The following BCL9L variants were observed in gnomAD, a reference collection of about 807,000 sequenced individuals.
BCL9L encodes BCL9 like, also known as B-cell CLL/lymphoma 9-like protein.
Under a neutral mutation model 99.4 loss-of-function variants are expected in BCL9L, and 19 were observed. The observed-to-expected ratio is 0.19, with a 90% CI of 0.13 to 0.28. BCL9L has a LOEUF of 0.28. Ranked by LOEUF, BCL9L falls within the 10% of genes least tolerant of loss-of-function variation. The pLI is 1.00. For missense variants in BCL9L, 2,023 were observed against 2,101.6 expected, an observed-to-expected ratio of 0.96 and a Z score of 0.73; for synonymous variants, 900 against 854.8, an observed-to-expected ratio of 1.05 and a Z score of -0.92.
chr11:118,919,104 GCCC>G (rs1207547961), intron 1 of BCL9L, among the ~76,000 whole-genome samples: 3 of 10,312 alleles, frequency 2.9e-4, no homozygotes, highest in Middle Eastern at 0.083. Flanking sequence ...CTGCACCGCT[GCCC>G]CCCCCCCCCC....
chr11:118,901,943 C>T lies in BCL9L; in HGVS notation c.1800G>A (p.Gly600=). The T allele has an allele frequency of 6.2e-7, 1 of 1,613,140 alleles. No individual in the cohort carries two copies. Among genetic ancestry groups the T allele is most frequent in the East Asian group, 2.2e-5 (1 of 44,856 alleles). ...MQLRGGPPFP[G]PRFPGNQIQR... ...GTATCTGGTTGCCTGGGAAACGGGGCCCAGGAAAGGGAGGTCCGCCCCGGA... is the reference window on the plus strand; with the variant it reads ...GTATCTGGTTGCCTGGGAAACGGGGTCCAGGAAAGGGAGGTCCGCCCCGGA... Residue 600 remains glycine (G), a synonymous_variant, in exon 8 of 10, where the codon GGG becomes GGA. Transcript: ENST00000683865. The surrounding 1 kb of genome is among the most constrained non-coding windows in gnomAD (Gnocchi z 6.6).
chr11:118,911,378 G>C (rs1365263492), intron 2 of BCL9L: 8 of 431,628 alleles, frequency 1.9e-5, no homozygotes, highest in Non-Finnish European at 2.8e-5. Flanking sequence ...CCACCCTGCG[G>C]GAGTCTAACC....
At position 118,902,862 on chromosome 11, in the gene BCL9L, G is replaced by C. The variant is rs528621552; in HGVS notation, c.881C>G (p.Pro294Arg). Residue 294 changes from proline (P) to arginine (R), a missense_variant, in exon 8 of 10, where the codon CCG (proline) becomes CGG (arginine). Transcript: ENST00000683865. The surrounding 1 kb of genome is among the most constrained non-coding windows in gnomAD (Gnocchi z 7.8). The part of the protein sequence containing the change: ...PTPEPLPLST[P>R]SAGTPQSQPP... ...CTGGGACTGCGGGGTGCCTGCTGACGGCGTGCTCAGGGGTAGCGGTTCTGG... is the reference window on the plus strand; with the variant it reads ...CTGGGACTGCGGGGTGCCTGCTGACCGCGTGCTCAGGGGTAGCGGTTCTGG... The C allele has an allele frequency of 1.1e-5, 17 of 1,552,516 alleles. No individual in the cohort carries two copies. In the African/African-American group the frequency reaches 1.2e-4, roughly 11 times the overall value.
In BCL9L at chr11:118,900,953, C is replaced by A. The variant is rs762942207; in HGVS notation, c.2790G>T (p.Gly930=). 40 of 1,553,994 alleles carry A rather than the reference C, an allele frequency of 2.6e-5. No homozygotes were observed. Among genetic ancestry groups the A allele is most frequent in the Non-Finnish European group, 3.5e-5 (40 of 1,148,060 alleles). The change falls in exon 8 of 10, where the codon GGG becomes GGT. Residue 930 remains glycine (G), a synonymous_variant. Coordinates refer to ENST00000683865, the MANE Select transcript of BCL9L (RefSeq NM_001378213.1). This position sits in a 1 kb window ranked among gnomAD's most constrained non-coding sequence, Gnocchi z 5.3. The stretch of plus-strand genomic sequence containing the variant: ...GGCTAAGGGTGGGCGACTTCAAGTG[C>A]CCCATGCCCGGTGAGCCCATCTGAT... ...SINQMGSPGM[G]HLKSPTLSQV... is the part of the protein sequence containing the mutation.
In BCL9L at chr11:118,902,875, G is replaced by T; in HGVS notation, c.868C>A (p.Pro290Thr). Reference protein sequence around the residue: ...PKVPPTPEPLPLSTPSAGTPQ... With the variant: ...PKVPPTPEPLTLSTPSAGTPQ... The stretch of plus-strand genomic sequence containing the variant: ...GTGCCTGCTGACGGCGTGCTCAGGG[G>T]TAGCGGTTCTGGGGTGGGGGGCACT... The change falls in exon 8 of 10, where the codon CCC becomes ACC. Residue 290 changes from proline (P) to threonine (T), a missense_variant. By Grantham distance (38) the Pro-to-Thr change is conservative (BLOSUM62 -1). This residue lies in a region of BCL9L where 1,116 missense variants were observed against 1,194.6 expected (regional missense o/e 0.93). Transcript: ENST00000683865. The surrounding 1 kb of genome is among the most constrained non-coding windows in gnomAD (Gnocchi z 7.8). The T allele has an allele frequency of 6.4e-7, 1 of 1,560,746 alleles. No individual in the cohort carries two copies. Among genetic ancestry groups the T allele is most frequent in the African/African-American group, 1.3e-5 (1 of 74,340 alleles).
In BCL9L at chr11:118,900,561, G is replaced by T; in HGVS notation, c.3124+58C>A. 1.3e-6 allele frequency: 2 copies of T among 1,543,504 alleles called. No individual in the cohort carries two copies. Among genetic ancestry groups the T allele is most frequent in the South Asian group, 1.2e-5 (1 of 80,952 alleles). On this transcript the variant is annotated intron_variant, in intron 8 of 9. Coordinates refer to ENST00000683865, the MANE Select transcript of BCL9L (RefSeq NM_001378213.1). The surrounding 1 kb of genome is among the most constrained non-coding windows in gnomAD (Gnocchi z 5.3). ...TCACTCACTGCCCAGCCCCAGCATG[G>T]ACACACTGCTCAGCGCCTGCCTGCC...
At chr11:118,909,378 G>A (rs532704066) in intron 3 of BCL9L, among the ~76,000 whole-genome samples, 4 of 152,286 alleles carry the variant, frequency 2.6e-5, no homozygotes, top group Admixed American at 1.3e-4. Flanking sequence ...CCCCCTCCCC[G>A]GAGACCTATT....
rs534286941 is a variant in BCL9L at position 118,897,708 on chromosome 11, G to A, written c.*707C>T. 8 of 446,980 alleles carry A rather than the reference G, an allele frequency of 1.8e-5. No homozygotes were observed. Among genetic ancestry groups the A allele is most frequent in the South Asian group, 1.1e-4 (7 of 63,174 alleles). 27.7% of individuals were successfully genotyped at this position (446,980 alleles called of 1,614,324 possible). A position where few individuals can be genotyped will look rare whatever the true frequency, so the allele number is the denominator to read the frequency against. On this transcript the variant is annotated 3_prime_UTR_variant, in exon 10 of 10. Coordinates refer to ENST00000683865, the MANE Select transcript of BCL9L (RefSeq NM_001378213.1). ...GGGCTGCATGTCCCTGGGTCCAGGG[G>A]AATGGAGGGAGCAATAACTTGAAGA...
chr11:118,908,287 A>G lies in BCL9L; in HGVS notation c.395T>C (p.Leu132Pro), dbSNP rs764692386. ...GEQREAGTPSLDSEAKEVAPR... is the reference protein window; with the variant it reads ...GEQREAGTPSPDSEAKEVAPR... ...TGGGGTACCTTTGGCCTCTGAATCCAGGGATGGGGTCCCAGCCTCTCGCTG... is the reference window on the plus strand; with the variant it reads ...TGGGGTACCTTTGGCCTCTGAATCCGGGGATGGGGTCCCAGCCTCTCGCTG... Residue 132 changes from leucine (L) to proline (P), a missense_variant, in exon 4 of 10, where the codon CTG becomes CCG. By Grantham distance (98) the Leu-to-Pro change is moderately conservative (BLOSUM62 -3). Coordinates refer to ENST00000683865, the MANE Select transcript of BCL9L (RefSeq NM_001378213.1). 1 of 1,554,768 alleles carries G rather than the reference A, an allele frequency of 6.4e-7. No homozygotes were observed. Among genetic ancestry groups the G allele is most frequent in the East Asian group, 2.3e-5 (1 of 44,282 alleles).
chr11:118,898,482 C>A lies in BCL9L; in HGVS notation c.4433G>T (p.Ser1478Ile), dbSNP rs768910057. 1.2e-6 allele frequency: 2 copies of A among 1,604,606 alleles called. No individual in the cohort carries two copies. Among genetic ancestry groups the A allele is most frequent in the South Asian group, 1.1e-5 (1 of 90,830 alleles). Residue 1478 changes from serine to isoleucine, a missense_variant, in exon 10 of 10, where the codon AGT (serine) becomes ATT (isoleucine). Ser to Ile is a moderately radical substitution (Grantham distance 142). Coordinates refer to ENST00000683865, the MANE Select transcript of BCL9L (RefSeq NM_001378213.1). ...GCCCATCTGGCTGTCCAGGGACACACTGCGCTGCCGAAGGGGGTGGGACAC... is the reference window on the plus strand; with the variant it reads ...GCCCATCTGGCTGTCCAGGGACACAATGCGCTGCCGAAGGGGGTGGGACAC... ...LMVSHPLRQR[S>I]VSLDSQMGYL...
rs397727669 is a variant in BCL9L, at chr11:118,914,624, G to GA, written c.-77+4201dup. Among the ~76,000 whole-genome samples the GA allele has an allele frequency of 0.014, 1 of 74 alleles. No homozygotes were observed. Among genetic ancestry groups the GA allele is most frequent in the Non-Finnish European group, 0.026 (1 of 38 alleles). 0.0% of individuals were successfully genotyped at this position (74 alleles called of 152,430 possible). On this transcript the variant is annotated intron_variant, in intron 2 of 9. Coordinates refer to ENST00000683865, the MANE Select transcript of BCL9L (RefSeq NM_001378213.1). The surrounding 1 kb of genome is among the most constrained non-coding windows in gnomAD (Gnocchi z 4.4). ...GATGTATGCCTGTGACCTCTGCAGG[G>GA]AGACAGAAGGCCACACGGGGTTTCT...
chr11:118,901,965 C>T lies in BCL9L; in HGVS notation c.1778G>A (p.Arg593Gln), dbSNP rs749719507. The change falls in exon 8 of 10, where the codon CGG becomes CAG. Residue 593 changes from arginine (R) to glutamine (Q), a missense_variant. Transcript: ENST00000683865. The surrounding 1 kb of genome is among the most constrained non-coding windows in gnomAD (Gnocchi z 6.6). ...PMDVQDPMQL[R>Q]GGPPFPGPRF... ...GGGCCCAGGAAAGGGAGGTCCGCCCCGGAGCTGCATGGGATCTTGAACATC... is the reference window on the plus strand; with the variant it reads ...GGGCCCAGGAAAGGGAGGTCCGCCCTGGAGCTGCATGGGATCTTGAACATC... The T allele has an allele frequency of 9.9e-6, 16 of 1,612,708 alleles. No individual in the cohort carries two copies. The highest frequency in any genetic ancestry group is 3.3e-5 in the South Asian group (3 of 90,934).
Position 118,898,476 on chromosome 11 carries a change from G to A in BCL9L, c.4439C>T (p.Ser1480Phe). 1 of 1,605,532 alleles carries A rather than the reference G, an allele frequency of 6.2e-7. No homozygotes were observed. Among genetic ancestry groups the A allele is most frequent in the African/African-American group, 1.3e-5 (1 of 74,944 alleles). Residue 1480 changes from serine (S) to phenylalanine (F), a missense_variant, in exon 10 of 10, where the codon TCC becomes TTC. This residue lies in a region of BCL9L where 902 missense variants were observed against 888.2 expected (regional missense o/e 1.02). Coordinates refer to ENST00000683865, the MANE Select transcript of BCL9L (RefSeq NM_001378213.1). ...GAGGTAGCCCATCTGGCTGTCCAGG[G>A]ACACACTGCGCTGCCGAAGGGGGTG... ...VSHPLRQRSV[S>F]LDSQMGYLPA... is the part of the protein sequence containing the mutation.
At chr11:118,913,757 G>A (rs1591997689) in intron 2 of BCL9L, among the ~76,000 whole-genome samples, 1 of 148,750 alleles carries the variant, frequency 6.7e-6, no homozygotes, top group African/African-American at 2.5e-5. Context: ...CAAGGGCCAG[G>A]GGTTAGCCCA....
Position 118,908,614 on chromosome 11 carries a change from G to A in BCL9L, c.68C>T (p.Pro23Leu), listed in dbSNP as rs755945092. 7.8e-5 allele frequency: 125 copies of A among 1,612,782 alleles called. No individual in the cohort carries two copies. In the East Asian group the frequency reaches 1.6e-3, roughly 21 times the overall value. The change falls in exon 4 of 10, where the codon CCG becomes CTG. Residue 23 changes from proline (P) to leucine (L), a missense_variant. This residue lies in a region of BCL9L where 1,116 missense variants were observed against 1,194.6 expected (regional missense o/e 0.93). Transcript: ENST00000683865. ...GGGGCAATGACCGCGGGGGGACAGC[G>A]GCGGGCTCCCTGGAGCTTCTCTCCT... ...PRRREAPGSPPLSPRGHCPPA... is the reference protein window; with the variant it reads ...PRRREAPGSPLLSPRGHCPPA...
At position 118,925,797 on chromosome 11, in the gene BCL9L, T is replaced by C. The variant is rs1941264425; in HGVS notation, c.-690A>G. On this transcript the variant is annotated 5_prime_UTR_variant, in exon 1 of 10. Transcript: ENST00000683865. The surrounding 1 kb of genome is among the most constrained non-coding windows in gnomAD (Gnocchi z 6.4). Reference sequence around the variant, plus strand: ...GCCGGCTGGCTCCGGGCGGCGGCGGTGGTGCAGCGGCCCCGGGTCCGGGGC... The same window carrying C: ...GCCGGCTGGCTCCGGGCGGCGGCGGCGGTGCAGCGGCCCCGGGTCCGGGGC... Among the ~76,000 whole-genome samples, 1 of 149,162 alleles carries C rather than the reference T, an allele frequency of 6.7e-6. No individual in the cohort carries two copies. The highest frequency in any genetic ancestry group is 2.5e-5 in the African/African-American group (1 of 40,686).
At chr11:118,911,563 C>A (rs1313697627) in intron 2 of BCL9L, among the ~76,000 whole-genome samples, 1 of 152,252 alleles carries the variant, frequency 6.6e-6, no homozygotes, top group African/African-American at 2.4e-5. Context: ...CACTGAGATA[C>A]CAGGGCTCTG....
chr11:118,913,349 G>A lies in BCL9L; in HGVS notation c.-76-3334C>T, dbSNP rs550258316. Among the ~76,000 whole-genome samples, 162 of 152,298 alleles carry A rather than the reference G, an allele frequency of 1.1e-3. 2 individuals are homozygous for A. The highest frequency in any genetic ancestry group is 3.7e-3 in the African/African-American group (152 of 41,570). ...TGGGATTGTTGAACAGGGTACTGGGGGGTGATCGGCGGTTTTGCCCATTCT... is the reference window on the plus strand; with the variant it reads ...TGGGATTGTTGAACAGGGTACTGGGAGGTGATCGGCGGTTTTGCCCATTCT... On this transcript the variant is annotated intron_variant, in intron 2 of 9. Coordinates refer to ENST00000683865, the MANE Select transcript of BCL9L (RefSeq NM_001378213.1).
At position 118,901,802 on chromosome 11, in the gene BCL9L, C is replaced by A. The variant is rs141994421; in HGVS notation, c.1941G>T (p.Gly647=). The change falls in exon 8 of 10, where the codon GGG becomes GGT. Residue 647 remains glycine (G), a synonymous_variant. Transcript: ENST00000683865. The surrounding 1 kb of genome is among the most constrained non-coding windows in gnomAD (Gnocchi z 6.6). ...TGTTCTGGGCAAAATTGCTGGGTCC[C>A]CCCATAGGGGGCAAGTCTTCGGTCC... ...MGWTEDLPPM[G]GPSNFAQNTM... 60 of 1,610,896 alleles carry A rather than the reference C, an allele frequency of 3.7e-5. No individual in the cohort carries two copies. In the African/African-American group the frequency reaches 7.6e-4, roughly 20 times the overall value.
Sources: allele counts gnomAD v4.1 joint callset (sites outside exome capture counted in the v4.1 genomes callset), GRCh38; gene constraint gnomAD v4.1.1; regional missense constraint gnomAD v4.1.1; non-coding constraint Gnocchi (gnomAD v3.1); transcripts MANE v1.5; gene names NCBI Gene and HGNC (gene_info 2026-07-23, HGNC 2026-07-21).